Variants in PRKAA1 observed in about 807,000 individuals in gnomAD.
The protein encoded by PRKAA1 is protein kinase AMP-activated catalytic subunit alpha 1, also known as 5'-AMP-activated protein kinase catalytic subunit alpha-1.
A neutral mutation model predicts 56.9 loss-of-function variants in PRKAA1; 23 were observed. The ratio of observed to expected loss-of-function variants is 0.40; its 90% CI spans 0.29 to 0.57. The LOEUF (loss-of-function observed/expected upper bound fraction) is 0.57. Among genes scored for constraint, PRKAA1 ranks in the 20% least tolerant of loss-of-function variants. PRKAA1 has a pLI of 0.39. For missense variants in PRKAA1, 413 were observed against 679.7 expected (o/e 0.61, Z 4.36); for synonymous variants, 226 against 227.0 (o/e 1.00, Z 0.04).
intron 1 of PRKAA1, among the ~76,000 whole-genome samples, chr5:40,783,460 A>C (rs981008023): frequency 2.0e-5 from 3 of 152,140 alleles, no homozygotes; most frequent in Non-Finnish European, 4.4e-5. Context: ...CTTATCAGTT[A>C]GAAAAAAAAT....
At chr5:40,766,809 C>CAAAAAT (rs1440506654) in intron 6 of PRKAA1, among the ~76,000 whole-genome samples, 1 of 7,958 alleles carries the variant, frequency 1.3e-4, no homozygotes, top group Non-Finnish European at 2.3e-4. Context: ...CCAGCCTGGG[C>CAAAAAT]AAAAATAGCA....
At chr5:40,765,502 G>A (rs776783664) in intron 6 of PRKAA1, among the ~76,000 whole-genome samples, 1 of 152,004 alleles carries the variant, frequency 6.6e-6, no homozygotes, top group Non-Finnish European at 1.5e-5. Context: ...AAATGACAGC[G>A]ACAAACAATG....
In PRKAA1 at chr5:40,785,854, A is replaced by G. The variant is rs886474755; in HGVS notation, c.128-8268T>C. On this transcript the variant is annotated intron_variant, in intron 1 of 8. Transcript: ENST00000397128. ...CACACACACACAGAGAGAGAGAGAGAGAGAGAGAGAGAGAGAGAGAGAGAG... is the reference window on the plus strand; with the variant it reads ...CACACACACACAGAGAGAGAGAGAGGGAGAGAGAGAGAGAGAGAGAGAGAG... Among the ~76,000 whole-genome samples, 56 of 61,668 alleles carry G rather than the reference A, an allele frequency of 9.1e-4. 1 individual carries two copies. Among genetic ancestry groups the G allele is most frequent in the African/African-American group, 2.3e-3 (52 of 22,420 alleles). 40.5% of individuals were successfully genotyped at this position (61,668 alleles called of 152,430 possible). A position where few individuals can be genotyped will look rare whatever the true frequency, so the allele number is the denominator to read the frequency against.
intron 6 of PRKAA1, among the ~76,000 whole-genome samples, 154 bp from the exon 7 acceptor site, chr5:40,765,392 G>A (rs185156976): frequency 1.4e-4 from 21 of 152,144 alleles, no homozygotes; most frequent in African/African-American, 1.9e-4. Flanking sequence ...CTTCTAGCTC[G>A]CACTTCATTG....
chr5:40,765,185 G>A lies in PRKAA1; in HGVS notation c.875C>T (p.Pro292Leu). Residue 292 changes from proline to leucine, a missense_variant, in exon 7 of 9, where the codon CCA (proline) becomes CTA (leucine). Pro to Leu is a moderately conservative substitution (Grantham distance 98). Around this residue, in one of 9 missense-constraint regions of PRKAA1, gnomAD observed 113 missense variants for 198.6 expected, o/e 0.57. Transcript: ENST00000397128. ...ATCAATCATGGTTGAACTATATGATGGATCCTCAGGAAAGAGATATTTTGG... is the reference window on the plus strand; with the variant it reads ...ATCAATCATGGTTGAACTATATGATAGATCCTCAGGAAAGAGATATTTTGG... ...DLPKYLFPED[P>L]SYSSTMIDDE... is the part of the protein sequence containing the mutation. 4 of 1,613,728 alleles carry A rather than the reference G, an allele frequency of 2.5e-6. No individual in the cohort carries two copies. The highest frequency in any genetic ancestry group is 3.4e-6 in the Non-Finnish European group (4 of 1,179,714).
intron 5 of PRKAA1, chr5:40,768,779 T>G: frequency 7.5e-7 from 1 of 1,328,526 alleles, no homozygotes; most frequent in African/African-American, 1.5e-5. Context: ...CTGTTTTCAA[T>G]TTCAGTAGTA....
intron 1 of PRKAA1, among the ~76,000 whole-genome samples, chr5:40,791,298 A>T (rs1355243932): frequency 6.6e-6 from 1 of 152,240 alleles, no homozygotes; most frequent in Non-Finnish European, 1.5e-5. Context: ...TTTTTAGAAT[A>T]GTGCTAAGGT....
chr5:40,785,213 G>A (rs543454044), intron 1 of PRKAA1, among the ~76,000 whole-genome samples: 63 of 152,192 alleles, frequency 4.1e-4, no homozygotes, highest in Non-Finnish European at 7.8e-4. Flanking sequence ...AATGTCTTAG[G>A]ATTCCACAGA....
intron 1 of PRKAA1, among the ~76,000 whole-genome samples, chr5:40,788,180 A>G (rs1439746441): frequency 6.6e-6 from 1 of 152,234 alleles, no homozygotes; most frequent in Non-Finnish European, 1.5e-5. Flanking sequence ...AGACATGTCC[A>G]CCAATGGAAT....
intron 1 of PRKAA1, among the ~76,000 whole-genome samples, chr5:40,782,981 T>C (rs1368361868): frequency 1.3e-5 from 2 of 152,218 alleles, no homozygotes; most frequent in African/African-American, 4.8e-5. Context: ...TATGGTGGTA[T>C]AACTTCTTCC....
Position 40,775,511 on chromosome 5 carries a change from G to A in PRKAA1, c.270-8C>T. 6.4e-7 allele frequency: 1 copy of A among 1,550,800 alleles called. No individual in the cohort carries two copies. Among genetic ancestry groups the A allele is most frequent in the Non-Finnish European group, 8.9e-7 (1 of 1,123,040 alleles). On this transcript the variant is annotated splice_region_variant and splice_polypyrimidine_tract_variant and intron_variant, in intron 2 of 8. Transcript: ENST00000397128. ...GTACTGATGACCTGGTACCTGGTGA[G>A]AGAAAACATTGTCTACAAATATTAA...
In PRKAA1 at chr5:40,770,647, G is replaced by A. The variant is rs187383040; in HGVS notation, c.508+1072C>T. 4.9e-3 allele frequency among the ~76,000 whole-genome samples: 682 copies of A among 139,536 alleles called. 4 individuals carry two copies. Among genetic ancestry groups the A allele is most frequent in the Non-Finnish European group, 7.6e-3 (498 of 65,574 alleles). The allele number at this position is 139,536 out of a possible 152,430, so 91.5% of individuals were successfully genotyped here. A position where few individuals can be genotyped will look rare whatever the true frequency, so the allele number is the denominator to read the frequency against. On this transcript the variant is annotated intron_variant, in intron 4 of 8. Coordinates refer to ENST00000397128, the MANE Select transcript of PRKAA1 (RefSeq NM_006251.6). ...CGTGTCTCACTCCGTCGCCCAGGCC[G>A]GACAGGCGATCTCAACTCACTACAA...
intron 1 of PRKAA1, among the ~76,000 whole-genome samples, chr5:40,778,024 A>C (rs1381958590): frequency 2.0e-5 from 3 of 151,978 alleles, no homozygotes; most frequent in Non-Finnish European, 4.4e-5. Flanking sequence ...CAGTGAGCCG[A>C]GATCACACCA....
intron 3 of PRKAA1, among the ~76,000 whole-genome samples, chr5:40,774,338 A>C (rs1405361684): frequency 6.6e-6 from 1 of 152,226 alleles, no homozygotes; most frequent in Non-Finnish European, 1.5e-5. Flanking sequence ...CTAGGTTATT[A>C]TATCTGTGAG....
At chr5:40,777,387 A>G in intron 2 of PRKAA1, 58 bp downstream of exon 2, 1 of 1,497,530 alleles carries the variant, frequency 6.7e-7, no homozygotes, top group South Asian at 1.2e-5. Context: ...CACATTAAGT[A>G]GGTTAACAAA....
chr5:40,767,672 C>T lies in PRKAA1; in HGVS notation c.615G>A (p.Glu205=), dbSNP rs1156575089. The change falls in exon 6 of 9, where the codon GAG becomes GAA. Residue 205 remains glutamate, a synonymous_variant. Transcript: ENST00000397128. ...VISGRLYAGP[E]VDIWSSGVIL... is the part of the protein sequence containing the mutation. ...TAACCCCACTGCTCCATATATCTACCTCTGGGCCTGCATACAATCTGTAAC... is the reference window on the plus strand; with the variant it reads ...TAACCCCACTGCTCCATATATCTACTTCTGGGCCTGCATACAATCTGTAAC... The T allele has an allele frequency of 2.5e-6, 4 of 1,610,410 alleles. No individual in the cohort carries two copies. The African/African-American group carries it at 5.3e-5, about 22-fold the overall frequency.
chr5:40,769,449 G>C lies in PRKAA1; in HGVS notation c.563C>G (p.Pro188Arg), dbSNP rs1743619414. 1 of 1,610,552 alleles carries C rather than the reference G, an allele frequency of 6.2e-7. No homozygotes were observed. Among genetic ancestry groups the C allele is most frequent in the African/African-American group, 1.3e-5 (1 of 74,700 alleles). The change falls in exon 5 of 9, where the codon CCC (proline) becomes CGC (arginine). Residue 188 changes from proline (P) to arginine (R), a missense_variant. Physicochemically the swap from Pro to Arg is moderately radical, Grantham distance 103. This residue lies in a region of PRKAA1 where 113 missense variants were observed against 198.6 expected (regional missense o/e 0.57). Transcript: ENST00000397128. Reference sequence around the variant, plus strand: ...AATTACTTCTGGTGCAGCATAGTTGGGTGAGCCACAACTTGTTCTTAAAAA... The same window carrying C: ...AATTACTTCTGGTGCAGCATAGTTGCGTGAGCCACAACTTGTTCTTAAAAA... ...GEFLRTSCGS[P>R]NYAAPEVISG...
chr5:40,780,920 T>C (rs915203537), intron 1 of PRKAA1, among the ~76,000 whole-genome samples: 2 of 152,160 alleles, frequency 1.3e-5, no homozygotes, highest in African/African-American at 4.8e-5. Flanking sequence ...TCCAGTCAAG[T>C]TGACACCTAA....
intron 1 of PRKAA1, among the ~76,000 whole-genome samples, chr5:40,793,415 T>G (rs1270841192): frequency 6.6e-6 from 1 of 152,194 alleles, no homozygotes; most frequent in Non-Finnish European, 1.5e-5. Context: ...AACAAATTTT[T>G]TGGCCTGTAA....
Sources: gnomAD v4.1 joint callset for allele counts (sites outside exome capture counted in the v4.1 genomes callset) on GRCh38, gnomAD v4.1.1 for gene constraint, gnomAD v4.1.1 regional missense constraint, MANE v1.5 for transcripts, NCBI Gene and HGNC (gene_info 2026-07-23, HGNC 2026-07-21) for gene names.